TAF4B: variants seen among roughly 807,000 people sequenced by gnomAD.
The protein encoded by TAF4B is TATA-box binding protein associated factor 4b, also known as transcription initiation factor TFIID subunit 4B.
A neutral mutation model predicts 86.4 loss-of-function variants in TAF4B; 38 were observed. That is an observed-to-expected ratio of 0.44 (90% CI 0.34 to 0.58). The LOEUF (loss-of-function observed/expected upper bound fraction) is 0.58, where lower values mean the gene tolerates loss of function less well. TAF4B is among the 20% of genes least tolerant of loss of function. The probability of loss-of-function intolerance (pLI) is 0.02; values close to 1 mark genes in which losing one functional copy is unlikely to be tolerated. For synonymous variants in TAF4B, 388 were observed against 391.2 expected (o/e 0.99, Z 0.10); for missense variants, 988 against 1,027.6 (o/e 0.96, Z 0.53).
intron 1 of TAF4B, among the ~76,000 whole-genome samples, chr18:26,260,595 T>C (rs1454482293): frequency 2.0e-5 from 3 of 152,212 alleles, no homozygotes; most frequent in Non-Finnish European, 2.9e-5. Context: ...TGGTTGTAGA[T>C]GTGTGGTACT....
intron 13 of TAF4B, among the ~76,000 whole-genome samples, chr18:26,346,753 ATGTGTGTATATATATATATATG>A (rs1567913482): frequency 0.054 from 2,055 of 38,104 alleles, 296 homozygotes; most frequent in Middle Eastern, 0.083. Flanking sequence ...ATATATATAT[ATGTGTGTATATATATATATATG>A]TGTGTGTATA....
chr18:26,254,159 C>G (rs950604369), intron 1 of TAF4B, among the ~76,000 whole-genome samples: 4 of 151,744 alleles, frequency 2.6e-5, no homozygotes, highest in African/African-American at 9.7e-5. Context: ...AGCTCCTGAC[C>G]TCAAATGATC....
chr18:26,251,988 C>A (rs991835329), intron 1 of TAF4B, among the ~76,000 whole-genome samples: 1 of 152,136 alleles, frequency 6.6e-6, no homozygotes, highest in Admixed American at 6.5e-5. Flanking sequence ...GACCTCTTGG[C>A]ATTAATAGCT....
chr18:26,340,764 C>A (rs990617294), intron 13 of TAF4B, among the ~76,000 whole-genome samples: 1 of 151,882 alleles, frequency 6.6e-6, no homozygotes, highest in African/African-American at 2.4e-5. Context: ...AGAAGGGGGG[C>A]TTTAAAAGTC....
intron 12 of TAF4B, among the ~76,000 whole-genome samples, chr18:26,333,512 GCTGAGTAGCTGGGACT>G (rs1157312846): frequency 2.0e-5 from 3 of 152,138 alleles, no homozygotes; most frequent in Non-Finnish European, 2.9e-5. Context: ...ACCTCAGCTT[GCTGAGTAGCTGGGACT>G]ATAGGCACGT....
chr18:26,252,833 A>G (rs989845698), intron 1 of TAF4B, among the ~76,000 whole-genome samples: 2 of 149,776 alleles, frequency 1.3e-5, no homozygotes, highest in African/African-American at 4.9e-5. Context: ...ATTTATTTAT[A>G]TATATTTTAT....
At position 26,293,163 on chromosome 18, in the gene TAF4B, T is replaced by C. The variant is rs116714013; in HGVS notation, c.1727-263T>C. On this transcript the variant is annotated intron_variant, in intron 8 of 14. Coordinates refer to ENST00000269142, the MANE Select transcript of TAF4B (RefSeq NM_005640.3). ...ATAAGCAATGTATTATTAACATGTTTCAGGTGCCTTTTACCCATGATATTT... is the reference window on the plus strand; with the variant it reads ...ATAAGCAATGTATTATTAACATGTTCCAGGTGCCTTTTACCCATGATATTT... Among the ~76,000 whole-genome samples the C allele has an allele frequency of 4.8e-3, 735 of 152,324 alleles. 8 individuals are homozygous for C. The highest frequency in any genetic ancestry group is 0.017 in the African/African-American group (696 of 41,572).
At chr18:26,368,365 G>A (rs1340751043) in intron 14 of TAF4B, among the ~76,000 whole-genome samples, 2 of 152,136 alleles carry the variant, frequency 1.3e-5, no homozygotes, top group East Asian at 3.9e-4. Flanking sequence ...GGGACAAACA[G>A]TATTTCTTAA....
intron 11 of TAF4B, 70 bp from the exon 12 acceptor site, chr18:26,326,945 A>G: frequency 6.5e-7 from 1 of 1,532,354 alleles, no homozygotes; most frequent in Non-Finnish European, 8.8e-7. Flanking sequence ...TAGCAGGTTT[A>G]TACAATACCT....
chr18:26,274,586 C>T, intron 3 of TAF4B, 77 bp from the exon 4 acceptor site: 2 of 1,510,670 alleles, frequency 1.3e-6, no homozygotes, highest in Non-Finnish European at 1.8e-6. Flanking sequence ...ATTAACTTGT[C>T]TGATGAGTGT....
rs932801524 is a variant in TAF4B at position 26,284,360 on chromosome 18, G to A, written c.973-1522G>A. On this transcript the variant is annotated intron_variant, in intron 6 of 14. Transcript: ENST00000269142. ...TCCATGTCAACAATAAGACTGTTTC[G>A]TTTTCTTATCATTTATGTGTCACAT... is the stretch of plus-strand genomic sequence containing the variant. Among the ~76,000 whole-genome samples the A allele has an allele frequency of 3.8e-4, 58 of 152,162 alleles. 1 individual carries two copies. The highest frequency in any genetic ancestry group is 5.9e-4 in the Non-Finnish European group (40 of 68,034).
intron 9 of TAF4B, 79 bp from the exon 10 acceptor site, chr18:26,315,150 C>CTCTCTCTCTCTG (rs2056895012): frequency 1.8e-5 from 8 of 454,672 alleles, no homozygotes; most frequent in South Asian, 6.7e-5. Context: ...CTCTCTGTCT[C>CTCTCTCTCTCTG]TCTCTCTCTC....
rs1306726320 is a variant in TAF4B, at chr18:26,390,805, G to C, written c.*793G>C. 6.6e-6 allele frequency: 1 copy of C among 152,158 alleles called. No homozygotes were observed. Among genetic ancestry groups the C allele is most frequent in the Admixed American group, 6.6e-5 (1 of 15,266 alleles). 9.4% of individuals were successfully genotyped at this position (152,158 alleles called of 1,614,324 possible). A position where few individuals can be genotyped will look rare whatever the true frequency, so the allele number is the denominator to read the frequency against. On this transcript the variant is annotated 3_prime_UTR_variant, in exon 15 of 15. Coordinates refer to ENST00000269142, the MANE Select transcript of TAF4B (RefSeq NM_005640.3). ...GGAAATGTGCTTCATATGCCCAAGA[G>C]GGGAAGAGGTGGAATCGGAACTCCA... is the stretch of plus-strand genomic sequence containing the variant.
At position 26,335,435 on chromosome 18, in the gene TAF4B, G is replaced by A. The variant is rs184224605; in HGVS notation, c.2316+204G>A. Among the ~76,000 whole-genome samples the A allele has an allele frequency of 1.7e-4, 26 of 152,234 alleles. No individual in the cohort carries two copies. The East Asian group carries it at 2.7e-3, about 16-fold the overall frequency. ...TCTCTTTTTAAAATTTATTTTCAAG[G>A]CTTAGGCCTGTCTCGAAATGGGTCT... On this transcript the variant is annotated intron_variant, in intron 13 of 14. Transcript: ENST00000269142.
chr18:26,288,655 A>C (rs941742140), intron 7 of TAF4B, among the ~76,000 whole-genome samples: 4 of 152,088 alleles, frequency 2.6e-5, no homozygotes, highest in Admixed American at 1.3e-4. Context: ...AAAACAAAAC[A>C]AAACAAAAAA....
At chr18:26,337,407 C>A (rs1404629871) in intron 13 of TAF4B, among the ~76,000 whole-genome samples, 1 of 146,136 alleles carries the variant, frequency 6.8e-6, no homozygotes, top group African/African-American at 2.5e-5. Context: ...TATCTTTTTT[C>A]TTTTCTTTCT....
intron 13 of TAF4B, among the ~76,000 whole-genome samples, chr18:26,347,337 T>C (rs1289951631): frequency 6.6e-6 from 1 of 152,026 alleles, no homozygotes; most frequent in Non-Finnish European, 1.5e-5. Context: ...CAAGAGATAC[T>C]CAAGGGAGTT....
chr18:26,244,563 C>T (rs1449178501), intron 1 of TAF4B, among the ~76,000 whole-genome samples: 11 of 152,114 alleles, frequency 7.2e-5, no homozygotes, highest in South Asian at 2.1e-4. Flanking sequence ...GCTCACACTC[C>T]GTGGGCTGCA....
intron 14 of TAF4B, among the ~76,000 whole-genome samples, chr18:26,367,662 C>A (rs1461304555): frequency 6.6e-6 from 1 of 152,196 alleles, no homozygotes; most frequent in Non-Finnish European, 1.5e-5. Flanking sequence ...ACCCTTAGCC[C>A]AGTCAAGTTG....
Sources: gnomAD v4.1 joint callset for allele counts (sites outside exome capture counted in the v4.1 genomes callset) on GRCh38, gnomAD v4.1.1 for gene constraint, MANE v1.5 for transcripts, NCBI Gene and HGNC (gene_info 2026-07-23, HGNC 2026-07-21) for gene names.